The following PCDHGB2 variants were observed in gnomAD, a reference collection of about 807,000 sequenced individuals.
The protein encoded by PCDHGB2 is protocadherin gamma-B2.
A neutral mutation model predicts 59.3 loss-of-function variants in PCDHGB2; 55 were observed. That is an observed-to-expected ratio of 0.93 (90% CI 0.75 to 1.16). The LOEUF (loss-of-function observed/expected upper bound fraction) is 1.16, where lower values mean the gene tolerates loss of function less well. Among genes scored for constraint, PCDHGB2 ranks in the 50% most tolerant of loss-of-function variants. The pLI is 0.00. For synonymous variants in PCDHGB2, 516 were observed against 512.0 expected, an observed-to-expected ratio of 1.01 and a Z score of -0.11; for missense variants, 1,228 against 1,198.5, an observed-to-expected ratio of 1.02 and a Z score of -0.36.
intron 1 of PCDHGB2, chr5:141,389,444 C>T: frequency 6.2e-7 from 1 of 1,610,564 alleles, no homozygotes; most frequent in South Asian, 1.1e-5. Flanking sequence ...CCTTCGACCA[C>T]GAGCAGCTGC....
At chr5:141,418,803 A>G (rs1358411126) in intron 1 of PCDHGB2, 1 of 1,613,894 alleles carries the variant, frequency 6.2e-7, no homozygotes, top group Non-Finnish European at 8.5e-7. Context: ...GTAGAAAGAT[A>G]TACGATAAAC....
chr5:141,468,505 C>A (rs1293623271), intron 1 of PCDHGB2: 1 of 152,020 alleles, frequency 6.6e-6, no homozygotes, highest in East Asian at 1.9e-4. Context: ...TTCATGTGGA[C>A]AAATTTAGTA....
intron 1 of PCDHGB2, chr5:141,423,483 A>G (rs767321755): frequency 1.9e-6 from 3 of 1,613,974 alleles, no homozygotes; most frequent in Middle Eastern, 3.3e-4. Flanking sequence ...CTTTCCTGCA[A>G]ACCTATTCCC....
intron 1 of PCDHGB2, among the ~76,000 whole-genome samples, chr5:141,448,768 G>A (rs544426582): frequency 1.3e-5 from 2 of 151,632 alleles, no homozygotes; most frequent in Non-Finnish European, 2.9e-5. Flanking sequence ...GTGAAACCCC[G>A]TCTGTACTAA....
intron 1 of PCDHGB2, chr5:141,395,187 T>C: frequency 6.2e-7 from 1 of 1,614,162 alleles, no homozygotes; most frequent in Non-Finnish European, 8.5e-7. Flanking sequence ...TGATTCTTTG[T>C]TAACATCCGT....
intron 1 of PCDHGB2, chr5:141,374,341 C>G: frequency 7.4e-6 from 12 of 1,613,988 alleles, no homozygotes; most frequent in Non-Finnish European, 8.5e-6. Flanking sequence ...GCTTGGTCAC[C>G]GCGGGTAGGA....
rs770685748 is a variant in PCDHGB2 at position 141,486,601 on chromosome 5, C to T, written c.2422-8206C>T. 9 of 1,613,558 alleles carry T rather than the reference C, an allele frequency of 5.6e-6. No homozygotes were observed. The highest frequency in any genetic ancestry group is 7.6e-6 in the Non-Finnish European group (9 of 1,180,024). On this transcript the variant is annotated intron_variant, in intron 1 of 3. Transcript: ENST00000522605. This position sits in a 1 kb window ranked among gnomAD's most constrained non-coding sequence, Gnocchi z 5.0. ...ATCGCCCAGGGGACCTGCTTTGCTC[C>T]CTTGCAGCCTCTGACCCAGACTCTG...
chr5:141,487,783 G>T lies in PCDHGB2; in HGVS notation c.2422-7024G>T. The T allele has an allele frequency of 6.6e-7, 1 of 1,522,846 alleles. No homozygotes were observed. The allele number at this position is 1,522,846 out of a possible 1,614,324, so 94.3% of individuals were successfully genotyped here. ...ACGCTGTGCTTTGTAACTGTTTCGT[G>T]AATTAACCAGAGTTGTCACAGTTTA... is the stretch of plus-strand genomic sequence containing the variant. On this transcript the variant is annotated intron_variant, in intron 1 of 3. Transcript: ENST00000522605. The surrounding 1 kb of genome is among the most constrained non-coding windows in gnomAD (Gnocchi z 5.0).
Position 141,491,245 on chromosome 5 carries a change from G to A in PCDHGB2, c.2422-3562G>A, listed in dbSNP as rs1171588507. ...CACAGTGCTGCTGGTTCTGGAGGATGAGGACCCTGAGGAAATGCCCAAATC... is the reference window on the plus strand; with the variant it reads ...CACAGTGCTGCTGGTTCTGGAGGATAAGGACCCTGAGGAAATGCCCAAATC... On this transcript the variant is annotated intron_variant, in intron 1 of 3. Transcript: ENST00000522605. The surrounding 1 kb of genome is among the most constrained non-coding windows in gnomAD (Gnocchi z 6.9). 2 of 1,614,086 alleles carry A rather than the reference G, an allele frequency of 1.2e-6. No individual in the cohort carries two copies. Among genetic ancestry groups the A allele is most frequent in the East Asian group, 4.5e-5 (2 of 44,888 alleles).
intron 1 of PCDHGB2, chr5:141,415,732 T>G (rs1159160519): frequency 5.0e-6 from 7 of 1,411,138 alleles, no homozygotes; most frequent in Non-Finnish European, 6.5e-6. Context: ...AATTTGATGT[T>G]TATTAAGGTT....
intron 1 of PCDHGB2, chr5:141,385,740 T>A: frequency 4.9e-6 from 1 of 202,756 alleles, no homozygotes; most frequent in Non-Finnish European, 8.9e-6. Context: ...ATTTCTTCCA[T>A]GTGAAGATTT....
At chr5:141,433,363 CTA>C (rs2097590674) in intron 1 of PCDHGB2, 2 of 463,314 alleles carry the variant, frequency 4.3e-6, no homozygotes, top group African/African-American at 5.6e-5. Flanking sequence ...GTCTGCCTAT[CTA>C]TCTATCTATC....
Position 141,432,123 on chromosome 5 carries a change from C to G in PCDHGB2, c.2422-62684C>G, listed in dbSNP as rs1224794803. On this transcript the variant is annotated intron_variant, in intron 1 of 3. Transcript: ENST00000522605. This position sits in a 1 kb window ranked among gnomAD's most constrained non-coding sequence, Gnocchi z 6.0. ...GACAACCCGCCGGTCTTCCCTCAGG[C>G]CTCCTATTCCGCTTATATCCCAGAG... 1 of 1,614,172 alleles carries G rather than the reference C, an allele frequency of 6.2e-7. No homozygotes were observed. Among genetic ancestry groups the G allele is most frequent in the Admixed American group, 1.7e-5 (1 of 60,022 alleles).
In PCDHGB2 at chr5:141,375,349, GAC is replaced by G; in HGVS notation, c.2421+12795_2421+12796del. On this transcript the variant is annotated intron_variant, in intron 1 of 3. Transcript: ENST00000522605. ...AGGTATTCTTGTACAACATCACTGT[GAC>G]AGCCACGGACAAAGGAACACCACCT... 5 of 1,613,848 alleles carry G rather than the reference GAC, an allele frequency of 3.1e-6. No individual in the cohort carries two copies. In the South Asian group the frequency reaches 4.4e-5, roughly 14 times the overall value.
chr5:141,442,720 T>C (rs941034636), intron 1 of PCDHGB2, among the ~76,000 whole-genome samples: 1 of 152,202 alleles, frequency 6.6e-6, no homozygotes, highest in Non-Finnish European at 1.5e-5. Flanking sequence ...GCCAGAGCAT[T>C]TGGGGCCTGT....
chr5:141,385,085 A>C, intron 1 of PCDHGB2: 1 of 1,614,132 alleles, frequency 6.2e-7, no homozygotes, highest in South Asian at 1.1e-5. Context: ...CAGGCTTCAG[A>C]AGGTGGCTTG....
rs1375491935 is a variant in PCDHGB2, at chr5:141,360,948, A to G, written c.813A>G (p.Glu271=). 3.1e-6 allele frequency: 5 copies of G among 1,613,966 alleles called. No homozygotes were observed. Among genetic ancestry groups the G allele is most frequent in the Non-Finnish European group, 4.2e-6 (5 of 1,179,888 alleles). Residue 271 remains glutamate, a synonymous_variant, in exon 1 of 4, where the codon GAA becomes GAG. Coordinates refer to ENST00000522605, the MANE Select transcript of PCDHGB2 (RefSeq NM_018923.3). ...VLQVTATDRD[E]GINAEITYSF... ...AAGTGACAGCCACCGACCGGGATGAAGGCATAAACGCAGAGATCACCTACT... is the reference window on the plus strand; with the variant it reads ...AAGTGACAGCCACCGACCGGGATGAGGGCATAAACGCAGAGATCACCTACT...
Position 141,489,527 on chromosome 5 carries a change from G to A in PCDHGB2, c.2422-5280G>A. On this transcript the variant is annotated intron_variant, in intron 1 of 3. Coordinates refer to ENST00000522605, the MANE Select transcript of PCDHGB2 (RefSeq NM_018923.3). The surrounding 1 kb of genome is among the most constrained non-coding windows in gnomAD (Gnocchi z 4.5). The stretch of plus-strand genomic sequence containing the variant: ...CAAAAGATTGACCGAGAAAGCCTAT[G>A]TGGAGCCAGCACCAGCTGCCTGCTG... The A allele has an allele frequency of 1.9e-6, 3 of 1,614,152 alleles. No individual in the cohort carries two copies. Among genetic ancestry groups the A allele is most frequent in the East Asian group, 2.2e-5 (1 of 44,874 alleles).
At chr5:141,391,287 A>G (rs1429932607) in intron 1 of PCDHGB2, 1 of 152,126 alleles carries the variant, frequency 6.6e-6, no homozygotes, top group Non-Finnish European at 1.5e-5. Flanking sequence ...TTGCTGAAAG[A>G]AGGAAACGTC....
Sources: allele counts gnomAD v4.1 joint callset (sites outside exome capture counted in the v4.1 genomes callset), GRCh38; gene constraint gnomAD v4.1.1; non-coding constraint Gnocchi (gnomAD v3.1); transcripts MANE v1.5; gene names NCBI Gene and HGNC (gene_info 2026-07-23, HGNC 2026-07-21).